PCDHA12: variants seen among roughly 807,000 people sequenced by gnomAD.
The protein encoded by PCDHA12 is protocadherin alpha 12.
A neutral mutation model predicts 60.0 loss-of-function variants in PCDHA12; 44 were observed. The ratio of observed to expected loss-of-function variants is 0.73; its 90% confidence interval spans 0.58 to 0.94. The LOEUF (loss-of-function observed/expected upper bound fraction) is 0.94, where lower values mean the gene tolerates loss of function less well. PCDHA12 is among the 40% of genes least tolerant of loss of function. The pLI is 0.00. For missense variants in PCDHA12, 1,276 were observed against 1,239.7 expected, an observed-to-expected ratio of 1.03 and a Z score of -0.44; for synonymous variants, 569 against 553.0, an observed-to-expected ratio of 1.03 and a Z score of -0.40.
At chr5:140,944,290 C>T (rs912018562) in intron 1 of PCDHA12, among the ~76,000 whole-genome samples, 8 of 152,124 alleles carry the variant, frequency 5.3e-5, no homozygotes, top group African/African-American at 9.7e-5. Flanking sequence ...CGGGCTCAAG[C>T]GATCCTCCTA....
chr5:140,907,239 C>A (rs1447900433), intron 1 of PCDHA12, among the ~76,000 whole-genome samples: 1 of 152,200 alleles, frequency 6.6e-6, no homozygotes, highest in African/African-American at 2.4e-5. Flanking sequence ...ACCTAGTTGA[C>A]ATTGTAATTG....
intron 1 of PCDHA12, among the ~76,000 whole-genome samples, chr5:140,958,853 G>T (rs897789588): frequency 1.3e-5 from 2 of 151,804 alleles, no homozygotes; most frequent in Non-Finnish European, 2.9e-5. Context: ...AGTGTCTTTG[G>T]TTTACTGGGT....
At position 140,876,685 on chromosome 5, in the gene PCDHA12, T is replaced by C; in HGVS notation, c.1213T>C (p.Tyr405His). 1 of 1,614,216 alleles carries C rather than the reference T, an allele frequency of 6.2e-7. No homozygotes were observed. Among genetic ancestry groups the C allele is most frequent in the Non-Finnish European group, 8.5e-7 (1 of 1,180,026 alleles). The change falls in exon 1 of 4, where the codon TAC becomes CAC. Residue 405 changes from tyrosine (Y) to histidine (H), a missense_variant. By Grantham distance (83) the Tyr-to-His change is moderately conservative. Transcript: ENST00000398631. ...GCTGGTGTCCACCTACAAGAATTAC[T>C]ACTCGTTGGTGCTGGACAGCGCCCT... ...FKLVSTYKNY[Y>H]SLVLDSALDR...
At chr5:140,916,327 A>G (rs1218792272) in intron 1 of PCDHA12, among the ~76,000 whole-genome samples, 5 of 152,226 alleles carry the variant, frequency 3.3e-5, no homozygotes, top group African/African-American at 1.2e-4. Context: ...AGTCCCCTTT[A>G]CTTTTTCCTC....
intron 1 of PCDHA12, among the ~76,000 whole-genome samples, chr5:140,942,616 T>C (rs2093340049): frequency 1.0e-5 from 1 of 99,878 alleles, no homozygotes. Context: ...TATTTGCCAA[T>C]TGTAAAAAAA....
chr5:140,914,145 G>A lies in PCDHA12; in HGVS notation c.2367+36306G>A, dbSNP rs2076623510. Among the ~76,000 whole-genome samples the A allele has an allele frequency of 3.3e-5, 5 of 152,138 alleles. 1 individual carries two copies. The South Asian group carries it at 1.0e-3, about 32-fold the overall frequency. On this transcript the variant is annotated intron_variant, in intron 1 of 3. Transcript: ENST00000398631. ...TTCTTTGTTGAGTTTTTGTCTGTCAGTTCTGTCCAATACGGAAAGTGGGGT... is the reference window on the plus strand; with the variant it reads ...TTCTTTGTTGAGTTTTTGTCTGTCAATTCTGTCCAATACGGAAAGTGGGGT...
chr5:140,882,767 G>T lies in PCDHA12; in HGVS notation c.2367+4928G>T, dbSNP rs1348655523. ...CGATGCAGATATTGGAGTAAACTCG[G>T]CATTGACCTACCGACTGGATCCCAA... On this transcript the variant is annotated intron_variant, in intron 1 of 3. Transcript: ENST00000398631. 1.9e-6 allele frequency: 3 copies of T among 1,614,058 alleles called. No individual in the cohort carries two copies. The South Asian group carries it at 3.3e-5, about 18-fold the overall frequency.
At chr5:140,996,591 T>TC (rs201351256) in intron 3 of PCDHA12, among the ~76,000 whole-genome samples, 1,577 of 152,202 alleles carry the variant, frequency 0.01, 12 homozygotes, top group Middle Eastern at 0.058. Flanking sequence ...AAGGGCCGCC[T>TC]CCCCCCATTT....
chr5:140,983,118 A>G (rs1251873984), intron 3 of PCDHA12, among the ~76,000 whole-genome samples: 1 of 152,220 alleles, frequency 6.6e-6, no homozygotes, highest in African/African-American at 2.4e-5. Flanking sequence ...CATCAACAAC[A>G]TTCTGCAGAC....
chr5:140,972,479 C>G (rs782631191), intron 1 of PCDHA12, among the ~76,000 whole-genome samples: 1 of 151,994 alleles, frequency 6.6e-6, no homozygotes, highest in Non-Finnish European at 1.5e-5. Flanking sequence ...CAGCATTTAA[C>G]CCCAGACTCT....
intron 1 of PCDHA12, among the ~76,000 whole-genome samples, chr5:140,889,560 T>C (rs2062271183): frequency 6.6e-6 from 1 of 152,204 alleles, no homozygotes. Context: ...TCTTCAGAAT[T>C]CTGCTTTCTG....
At chr5:140,987,318 A>C (rs148008812) in intron 3 of PCDHA12, among the ~76,000 whole-genome samples, 3,398 of 152,304 alleles carry the variant, frequency 0.022, 70 homozygotes, top group Admixed American at 0.058. Flanking sequence ...TGTACTGTGA[A>C]GTTTTAAGAA....
At chr5:140,921,379 T>C (rs1186418255) in intron 1 of PCDHA12, among the ~76,000 whole-genome samples, 1 of 152,180 alleles carries the variant, frequency 6.6e-6, no homozygotes, top group Non-Finnish European at 1.5e-5. Context: ...TTTCTACATA[T>C]TTGATAAACA....
At chr5:140,895,912 A>G (rs1215168324) in intron 1 of PCDHA12, among the ~76,000 whole-genome samples, 1 of 152,146 alleles carries the variant, frequency 6.6e-6, no homozygotes, top group African/African-American at 2.4e-5. Context: ...CCCGGGCTCA[A>G]CAATTATCCT....
At chr5:140,883,911 A>G (rs2059884661) in intron 1 of PCDHA12, 2 of 1,613,034 alleles carry the variant, frequency 1.2e-6, no homozygotes, top group Non-Finnish European at 8.5e-7. Flanking sequence ...CTGGGCAGCA[A>G]CGTGACGCTG....
intron 1 of PCDHA12, among the ~76,000 whole-genome samples, chr5:140,947,229 G>GA (rs201242412): frequency 9.4e-5 from 14 of 148,904 alleles, no homozygotes; most frequent in South Asian, 2.1e-4. Context: ...TTTATGACAG[G>GA]AAAAAAAAAT....
intron 1 of PCDHA12, chr5:140,967,662 A>G: frequency 6.2e-7 from 1 of 1,614,192 alleles, no homozygotes; most frequent in Non-Finnish European, 8.5e-7. Context: ...TTGAGCAGCT[A>G]CACGTCGGAC....
intron 1 of PCDHA12, among the ~76,000 whole-genome samples, chr5:140,923,820 CG>C (rs1297703305): frequency 6.6e-6 from 1 of 152,106 alleles, no homozygotes; most frequent in Non-Finnish European, 1.5e-5. Flanking sequence ...TGAAAATAGA[CG>C]TCAGTGGCAG....
At chr5:140,900,807 A>T (rs868976984) in intron 1 of PCDHA12, among the ~76,000 whole-genome samples, 1 of 152,176 alleles carries the variant, frequency 6.6e-6, no homozygotes, top group African/African-American at 2.4e-5. Context: ...TAGTGCTTGT[A>T]CTAATTTACA....
Sources: allele counts gnomAD v4.1 joint callset (sites outside exome capture counted in the v4.1 genomes callset), GRCh38; gene constraint gnomAD v4.1.1; transcripts MANE v1.5; gene names NCBI Gene and HGNC (gene_info 2026-07-23, HGNC 2026-07-21).